The following ZSCAN20 variants were observed in gnomAD, a reference collection of about 807,000 sequenced individuals.
ZSCAN20 encodes the protein zinc finger and SCAN domain-containing protein 20.
In ZSCAN20, 39 loss-of-function variants were observed where a neutral mutation model predicts 97.1. That is an observed-to-expected ratio of 0.40 (90% CI 0.31 to 0.52). The LOEUF (loss-of-function observed/expected upper bound fraction) is 0.52. Among genes scored for constraint, ZSCAN20 ranks in the 20% least tolerant of loss-of-function variants. The pLI, the probability that ZSCAN20 is intolerant of heterozygous loss-of-function variation, is 0.49. For missense variants in ZSCAN20, 1,115 were observed against 1,290.4 expected (o/e 0.86, Z 2.08); for synonymous variants, 456 against 467.3 (o/e 0.98, Z 0.31).
At chr1:33,485,800 T>C (rs1315415097) in intron 2 of ZSCAN20, among the ~76,000 whole-genome samples, 1 of 152,204 alleles carries the variant, frequency 6.6e-6, no homozygotes, top group Non-Finnish European at 1.5e-5. Flanking sequence ...TTTTCTCTAT[T>C]GATTTCCCAT....
chr1:33,489,674 C>A, intron 5 of ZSCAN20, 72 bp downstream of exon 5: 1 of 1,418,594 alleles, frequency 7.0e-7, no homozygotes, highest in Non-Finnish European at 9.9e-7. Context: ...GAGGGTTTTG[C>A]CGCTCCTTTA....
intron 5 of ZSCAN20, among the ~76,000 whole-genome samples, chr1:33,490,677 A>ACACACACACACAC (rs1553122648): frequency 7.5e-5 from 11 of 147,260 alleles, no homozygotes; most frequent in African/African-American, 2.8e-4. Flanking sequence ...ACACACACAC[A>ACACACACACACAC]CACACACCAC....
chr1:33,475,849 T>C (rs1054845863), intron 1 of ZSCAN20, among the ~76,000 whole-genome samples: 17 of 150,352 alleles, frequency 1.1e-4, no homozygotes, highest in African/African-American at 4.2e-4. Context: ...TTTGTATTTT[T>C]AGTAGAGACA....
intron 2 of ZSCAN20, among the ~76,000 whole-genome samples, chr1:33,487,759 C>G (rs1391897953): frequency 6.6e-6 from 1 of 152,156 alleles, no homozygotes; most frequent in Non-Finnish European, 1.5e-5. Flanking sequence ...CCTTCTGCCT[C>G]AGCCTCTTGA....
At chr1:33,480,417 A>G (rs1203682004) in intron 2 of ZSCAN20, among the ~76,000 whole-genome samples, 3 of 152,254 alleles carry the variant, frequency 2.0e-5, no homozygotes, top group Non-Finnish European at 2.9e-5. Context: ...ACCAGAGCCT[A>G]AAGCCAAATC....
At chr1:33,494,082 T>C (rs1186573842) in intron 7 of ZSCAN20, 136 bp from the exon 8 acceptor site, 15 of 792,026 alleles carry the variant, frequency 1.9e-5, no homozygotes, top group Non-Finnish European at 2.7e-5. Flanking sequence ...GTCACATTTA[T>C]AAGATGTGCG....
chr1:33,490,031 G>C (rs1279463882), intron 5 of ZSCAN20, among the ~76,000 whole-genome samples: 2 of 152,172 alleles, frequency 1.3e-5, no homozygotes, highest in African/African-American at 4.8e-5. Flanking sequence ...CATATAAGCA[G>C]CACAGACTCC....
rs1324800993 is a variant in ZSCAN20 at position 33,497,285 on chromosome 1, C to G, written c.*1809C>G. Among the ~76,000 whole-genome samples, 1 of 152,162 alleles carries G rather than the reference C, an allele frequency of 6.6e-6. No individual in the cohort carries two copies. The highest frequency in any genetic ancestry group is 2.4e-5 in the African/African-American group (1 of 41,424). ...CTCCCAGTTTACCTTTTCTGGCCCA[C>G]GTTATCTCTGCGGGGCAGGGGTCAT... is the stretch of plus-strand genomic sequence containing the variant. On this transcript the variant is annotated 3_prime_UTR_variant, in exon 8 of 8. Coordinates refer to ENST00000684572, the MANE Select transcript of ZSCAN20 (RefSeq NM_001377376.1).
chr1:33,489,578 G>A lies in ZSCAN20; in HGVS notation c.742G>A (p.Asp248Asn), dbSNP rs34446695. The change falls in exon 5 of 8, where the codon GAC (aspartate) becomes AAC (asparagine). Residue 248 changes from aspartate to asparagine, a missense_variant. By Grantham distance (23) the Asp-to-Asn change is conservative. Coordinates refer to ENST00000684572, the MANE Select transcript of ZSCAN20 (RefSeq NM_001377376.1). ...KELCKDPPGD[D>N]CGNSVCLGVP... Reference sequence around the variant, plus strand: ...GCTCTGTAAAGACCCCCCAGGAGACGACTGTGGGAACAGCGTGTGCCTGGG... The same window carrying A: ...GCTCTGTAAAGACCCCCCAGGAGACAACTGTGGGAACAGCGTGTGCCTGGG... 3.4e-3 allele frequency: 5,567 copies of A among 1,614,080 alleles called. 122 individuals are homozygous for A. In the African/African-American group the frequency reaches 0.06, roughly 17 times the overall value.
chr1:33,485,497 C>A (rs1338278550), intron 2 of ZSCAN20, among the ~76,000 whole-genome samples: 8 of 148,474 alleles, frequency 5.4e-5, no homozygotes, highest in African/African-American at 2.0e-4. Flanking sequence ...GCACCCTCTG[C>A]CTCCTGGACT....
chr1:33,480,132 A>T (rs1283929452), intron 2 of ZSCAN20, among the ~76,000 whole-genome samples: 1 of 152,242 alleles, frequency 6.6e-6, no homozygotes, highest in African/African-American at 2.4e-5. Context: ...CTTTCTGCAT[A>T]TGTGATGTCT....
chr1:33,501,247 A>G lies in ZSCAN20; in HGVS notation c.*5771A>G, dbSNP rs1160315673. Among the ~76,000 whole-genome samples, 1 of 152,190 alleles carries G rather than the reference A, an allele frequency of 6.6e-6. No homozygotes were observed. The highest frequency in any genetic ancestry group is 1.5e-5 in the Non-Finnish European group (1 of 68,028). On this transcript the variant is annotated 3_prime_UTR_variant, in exon 8 of 8. Coordinates refer to ENST00000684572, the MANE Select transcript of ZSCAN20 (RefSeq NM_001377376.1). ...AGGCTGGAGCGCCAGCATCAGTAGT[A>G]GGGGCAGGAGCTCACGCTAAACCCG...
At chr1:33,483,788 AT>A (rs1652245509) in intron 2 of ZSCAN20, among the ~76,000 whole-genome samples, 1 of 152,204 alleles carries the variant, frequency 6.6e-6, no homozygotes, top group African/African-American at 2.4e-5. Flanking sequence ...TGTAGATCAA[AT>A]TGGGAAAAGC....
intron 2 of ZSCAN20, among the ~76,000 whole-genome samples, chr1:33,484,031 C>A (rs1652256946): frequency 6.6e-6 from 1 of 152,144 alleles, no homozygotes. Flanking sequence ...AGGCGATTGA[C>A]TTTTGCATAT....
At chr1:33,478,300 G>T (rs947105607) in intron 1 of ZSCAN20, among the ~76,000 whole-genome samples, 4 of 152,106 alleles carry the variant, frequency 2.6e-5, no homozygotes, top group Non-Finnish European at 1.5e-5. Context: ...CACTGAAGTG[G>T]TAGCATTGGA....
chr1:33,493,083 C>T lies in ZSCAN20; in HGVS notation c.1445-104C>T. 1 of 1,197,072 alleles carries T rather than the reference C, an allele frequency of 8.4e-7. No individual in the cohort carries two copies. The highest frequency in any genetic ancestry group is 1.2e-6 in the Non-Finnish European group (1 of 849,602). 74.2% of individuals were successfully genotyped at this position (1,197,072 alleles called of 1,614,324 possible). On this transcript the variant is annotated intron_variant, in intron 6 of 7. Coordinates refer to ENST00000684572, the MANE Select transcript of ZSCAN20 (RefSeq NM_001377376.1). The surrounding 1 kb of genome is among the most constrained non-coding windows in gnomAD (Gnocchi z 4.3). The stretch of plus-strand genomic sequence containing the variant: ...CTCCAGGTACCTGGATAGTTTCTGA[C>T]ATGCCTATGTTCTAGGTATTTTGAA...
Position 33,493,188 on chromosome 1 carries a change from A to T in ZSCAN20, c.1446A>T (p.Ala482=). 6.2e-7 allele frequency: 1 copy of T among 1,612,462 alleles called. No homozygotes were observed. Among genetic ancestry groups the T allele is most frequent in the Non-Finnish European group, 8.5e-7 (1 of 1,178,576 alleles). ...TTCTCAACTCTTCACTCCTGACAGCAGGTGTGCACTGGGGCTATGAGGAGA... is the reference window on the plus strand; with the variant it reads ...TTCTCAACTCTTCACTCCTGACAGCTGGTGTGCACTGGGGCTATGAGGAGA... ...GAPALFQSRI[A]GVHWGYEETK... Residue 482 remains alanine (A), a splice_region_variant and synonymous_variant, in exon 7 of 8, where the codon GCA becomes GCT. Coordinates refer to ENST00000684572, the MANE Select transcript of ZSCAN20 (RefSeq NM_001377376.1). The surrounding 1 kb of genome is among the most constrained non-coding windows in gnomAD (Gnocchi z 4.3).
intron 2 of ZSCAN20, among the ~76,000 whole-genome samples, chr1:33,487,224 C>A (rs1652404728): frequency 6.6e-6 from 1 of 151,956 alleles, no homozygotes; most frequent in South Asian, 2.1e-4. Flanking sequence ...CTGAATATAC[C>A]CATGTATGTA....
chr1:33,495,640 C>T lies in ZSCAN20; in HGVS notation c.*164C>T, dbSNP rs1369010273. The T allele has an allele frequency of 1.7e-6, 1 of 600,554 alleles. No individual in the cohort carries two copies. Among genetic ancestry groups the T allele is most frequent in the East Asian group, 3.2e-5 (1 of 31,512 alleles). 37.2% of individuals were successfully genotyped at this position (600,554 alleles called of 1,614,324 possible). A position where few individuals can be genotyped will look rare whatever the true frequency, so the allele number is the denominator to read the frequency against. On this transcript the variant is annotated 3_prime_UTR_variant, in exon 8 of 8. Transcript: ENST00000684572. ...GAAGTGAATTACAAATACTAAGGAT[C>T]CAGATTTGAAGGCACTTTTAAGTGT...
Sources: gnomAD v4.1 joint callset for allele counts (sites outside exome capture counted in the v4.1 genomes callset) on GRCh38, gnomAD v4.1.1 for gene constraint, Gnocchi (gnomAD v3.1) non-coding constraint, MANE v1.5 for transcripts, NCBI Gene and HGNC (gene_info 2026-07-23, HGNC 2026-07-21) for gene names.